Variants in RGS6 observed in about 807,000 individuals in gnomAD.
RGS6 encodes the protein regulator of G-protein signaling 6.
A neutral mutation model predicts 78.5 loss-of-function variants in RGS6; 30 were observed. The ratio of observed to expected loss-of-function variants is 0.38; its 90% CI spans 0.29 to 0.52. The LOEUF (loss-of-function observed/expected upper bound fraction) is 0.52. RGS6 is among the 20% of genes least tolerant of loss of function. RGS6 has a pLI of 0.85. For synonymous variants in RGS6, 206 were observed against 206.0 expected (o/e 1.00, Z 0.00); for missense variants, 495 against 609.7 (o/e 0.81, Z 1.98).
At chr14:71,967,327 A>G (rs1242391163) in intron 2 of RGS6, among the ~76,000 whole-genome samples, 1 of 152,018 alleles carries the variant, frequency 6.6e-6, no homozygotes, top group Non-Finnish European at 1.5e-5. Flanking sequence ...ACCATTTTAA[A>G]CCTAGTTAAC....
chr14:72,426,582 C>T (rs906289786), intron 3 of RGS6, among the ~76,000 whole-genome samples: 2 of 152,236 alleles, frequency 1.3e-5, no homozygotes, highest in African/African-American at 2.4e-5. Flanking sequence ...AGGTTGTACA[C>T]AGTAAGTGGT....
chr14:71,952,888 T>C (rs1476410770), intron 1 of RGS6, among the ~76,000 whole-genome samples: 4 of 152,126 alleles, frequency 2.6e-5, no homozygotes, highest in Non-Finnish European at 4.4e-5. Context: ...AAAAAGCCAA[T>C]AGGAGTGCTT....
intron 2 of RGS6, among the ~76,000 whole-genome samples, chr14:72,018,510 A>G (rs923675856): frequency 6.6e-6 from 1 of 152,142 alleles, no homozygotes; most frequent in Non-Finnish European, 1.5e-5. Context: ...GCATTTCCGG[A>G]CCATATAGGA....
chr14:72,250,286 A>C (rs565024601), intron 2 of RGS6, among the ~76,000 whole-genome samples: 1 of 151,124 alleles, frequency 6.6e-6, no homozygotes, highest in African/African-American at 2.4e-5. Flanking sequence ...TGATTGTTGC[A>C]CTCTCCTACA....
At chr14:72,062,899 TCA>T (rs1461698434) in intron 2 of RGS6, among the ~76,000 whole-genome samples, 1 of 152,182 alleles carries the variant, frequency 6.6e-6, no homozygotes, top group African/African-American at 2.4e-5. Flanking sequence ...CGATCTCAAC[TCA>T]CTGCACCCTC....
chr14:72,577,840 C>T, the RGS6 span, among the ~76,000 whole-genome samples: 1 of 152,184 alleles, frequency 6.6e-6, no homozygotes, highest in South Asian at 2.1e-4. Context: ...CCTGAGCCAT[C>T]GGCCCCAGTA....
chr14:72,368,109 C>G (rs1270155302), intron 3 of RGS6, among the ~76,000 whole-genome samples: 2 of 152,158 alleles, frequency 1.3e-5, no homozygotes. Flanking sequence ...AAATGTATTT[C>G]TCACAGTTTT....
chr14:72,450,622 G>A (rs79366278), intron 3 of RGS6, among the ~76,000 whole-genome samples: 7 of 152,284 alleles, frequency 4.6e-5, no homozygotes, highest in Non-Finnish European at 1.0e-4. Flanking sequence ...TTGTTATGTT[G>A]TTTTATTAAC....
At chr14:72,539,445 A>T (rs2097292075) in intron 16 of RGS6, among the ~76,000 whole-genome samples, 1 of 152,190 alleles carries the variant, frequency 6.6e-6, no homozygotes, top group Admixed American at 6.5e-5. Context: ...GAGGGTCACT[A>T]GGAAGTCACT....
intron 17 of RGS6, chr14:72,550,425 C>G: frequency 6.6e-7 from 1 of 1,518,138 alleles, no homozygotes; most frequent in Non-Finnish European, 8.8e-7. Flanking sequence ...CACTAAGCAC[C>G]AAGTACATCT....
At chr14:72,130,551 A>T (rs2096292445) in intron 2 of RGS6, among the ~76,000 whole-genome samples, 1 of 152,170 alleles carries the variant, frequency 6.6e-6, no homozygotes, top group Non-Finnish European at 1.5e-5. Context: ...ACAACAAAAG[A>T]TGTTCCTGTC....
At chr14:72,250,366 G>A (rs2055388482) in intron 2 of RGS6, among the ~76,000 whole-genome samples, 2 of 136,324 alleles carry the variant, frequency 1.5e-5, no homozygotes, top group African/African-American at 5.6e-5. Context: ...TTTTCAGTGG[G>A]TTGACCTCTT....
downstream of RGS6, among the ~76,000 whole-genome samples, chr14:72,568,054 C>A (rs879573520): frequency 6.6e-6 from 1 of 152,162 alleles, no homozygotes; most frequent in Non-Finnish European, 1.5e-5. Flanking sequence ...ACGTGAGCTC[C>A]ATCTGTCACA....
intron 13 of RGS6, among the ~76,000 whole-genome samples, chr14:72,503,023 A>G (rs1462905088): frequency 6.6e-6 from 1 of 152,144 alleles, no homozygotes; most frequent in Non-Finnish European, 1.5e-5. Context: ...AAACAATATA[A>G]AAATTTTTTT....
At chr14:72,217,463 C>A (rs2045867109) in intron 2 of RGS6, among the ~76,000 whole-genome samples, 1 of 152,130 alleles carries the variant, frequency 6.6e-6, no homozygotes, top group African/African-American at 2.4e-5. Flanking sequence ...GGCTTTACTG[C>A]ATAGACACCA....
intron 1 of RGS6, among the ~76,000 whole-genome samples, chr14:71,950,595 C>G (rs2092196394): frequency 6.6e-6 from 1 of 152,274 alleles, no homozygotes; most frequent in East Asian, 1.9e-4. Flanking sequence ...GGAGCTTCTG[C>G]ATAGCAAAAG....
chr14:71,881,745 A>G, the RGS6 span, among the ~76,000 whole-genome samples: 2 of 152,350 alleles, frequency 1.3e-5, no homozygotes, highest in East Asian at 1.9e-4. Context: ...ATGGACTAAT[A>G]CAGCTGCTTA....
chr14:72,547,098 G>T, intron 17 of RGS6: 2 of 1,409,086 alleles, frequency 1.4e-6, no homozygotes, highest in African/African-American at 1.4e-5. Context: ...AGGGCCCCCC[G>T]CAGGATAAAC....
At chr14:72,204,600 G>T (rs1051153386) in intron 2 of RGS6, among the ~76,000 whole-genome samples, 2 of 152,224 alleles carry the variant, frequency 1.3e-5, no homozygotes, top group African/African-American at 4.8e-5. Flanking sequence ...GGCAGAGTCT[G>T]TCTGGTGAGG....
Sources: allele counts gnomAD v4.1 joint callset (sites outside exome capture counted in the v4.1 genomes callset), GRCh38; gene constraint gnomAD v4.1.1; transcripts MANE v1.5; gene names NCBI Gene and HGNC (gene_info 2026-07-23, HGNC 2026-07-21).